Variants in TCF20 observed in about 807,000 individuals in gnomAD.
TCF20 encodes SPRE-binding protein.
Under a neutral mutation model 148.6 loss-of-function variants are expected in TCF20, and 3 were observed. The observed-to-expected ratio is 0.02, with a 90% CI of 0.01 to 0.05. The LOEUF (loss-of-function observed/expected upper bound fraction) is 0.05, where lower values mean the gene tolerates loss of function less well. Ranked by LOEUF, TCF20 falls within the 10% of genes least tolerant of loss-of-function variation. The pLI, the probability that TCF20 is intolerant of heterozygous loss-of-function variation, is 1.00. For missense variants in TCF20, 2,350 were observed against 2,429.3 expected (o/e 0.97, Z 0.69); for synonymous variants, 1,049 against 909.5 (o/e 1.15, Z -2.76).
chr22:42,267,874 A>G (rs1347380000), intron 1 of TCF20, among the ~76,000 whole-genome samples: 1 of 151,654 alleles, frequency 6.6e-6, no homozygotes, highest in Non-Finnish European at 1.5e-5. Context: ...GCCCAGGCGC[A>G]GTGGTTCACA....
chr22:42,173,380 G>A (rs963744389), intron 3 of TCF20, among the ~76,000 whole-genome samples: 1 of 151,996 alleles, frequency 6.6e-6, no homozygotes, highest in Non-Finnish European at 1.5e-5. Flanking sequence ...AACATCAGGT[G>A]GGGGGGAAGG....
intron 5 of TCF20, among the ~76,000 whole-genome samples, chr22:42,163,532 T>G (rs1471795315): frequency 6.6e-6 from 1 of 152,216 alleles, no homozygotes; most frequent in Non-Finnish European, 1.5e-5. Flanking sequence ...GCTTTACAGA[T>G]ATTATATCAC....
At chr22:42,197,322 C>CT (rs546243265) in intron 2 of TCF20, among the ~76,000 whole-genome samples, 30,911 of 134,178 alleles carry the variant, frequency 0.23, 4,174 homozygotes, top group Non-Finnish European at 0.28. Context: ...AGATGAGAAA[C>CT]TTTTTTTTTT....
At chr22:42,307,537 T>C (rs1052415039) in intron 1 of TCF20, among the ~76,000 whole-genome samples, 2 of 152,200 alleles carry the variant, frequency 1.3e-5, no homozygotes, top group African/African-American at 4.8e-5. Context: ...ACCAGCTTCA[T>C]CTCTCTCCCG....
intron 3 of TCF20, among the ~76,000 whole-genome samples, chr22:42,174,733 T>TC (rs1436610293): frequency 5.9e-5 from 9 of 151,554 alleles, no homozygotes; most frequent in Non-Finnish European, 1.2e-4. Context: ...TTTTTTTTTT[T>TC]CACTTAAAAG....
intron 5 of TCF20, among the ~76,000 whole-genome samples, chr22:42,168,296 T>C (rs1468482471): frequency 2.0e-5 from 3 of 152,146 alleles, no homozygotes. Flanking sequence ...AGAGATGCCC[T>C]GCCCAAGAAA....
chr22:42,230,130 C>T (rs1480508183), intron 1 of TCF20, among the ~76,000 whole-genome samples: 1 of 152,218 alleles, frequency 6.6e-6, no homozygotes, highest in Non-Finnish European at 1.5e-5. Context: ...TACCACACAG[C>T]TTTCCCTTCC....
intron 1 of TCF20, among the ~76,000 whole-genome samples, chr22:42,229,679 G>A (rs965299258): frequency 6.6e-5 from 10 of 152,126 alleles, no homozygotes; most frequent in South Asian, 2.1e-4. Context: ...CATGCGCTCC[G>A]ACCTCTTGAT....
intron 1 of TCF20, among the ~76,000 whole-genome samples, chr22:42,260,433 T>G (rs1192863322): frequency 2.0e-5 from 3 of 152,126 alleles, no homozygotes; most frequent in African/African-American, 7.2e-5. Context: ...AAAAATGGTT[T>G]GGGAGGAAGG....
Position 42,290,112 on chromosome 22 carries a change from T to G in TCF20, c.-37+53367A>C, listed in dbSNP as rs555853081. 6.6e-6 allele frequency among the ~76,000 whole-genome samples: 1 copy of G among 151,832 alleles called. No individual in the cohort carries two copies. Among genetic ancestry groups the G allele is most frequent in the South Asian group, 2.1e-4 (1 of 4,798 alleles). ...CCGGCTGCTGCTTGGGGAGCGGGGG[T>G]CAGCCAGGGGGACAAGGGCCAGCAG... On this transcript the variant is annotated intron_variant, in intron 1 of 1. Coordinates refer to the TCF20 transcript ENST00000515426. The surrounding 1 kb of genome is among the most constrained non-coding windows in gnomAD (Gnocchi z 4.2).
At chr22:42,232,972 GT>G (rs1923569113) in intron 1 of TCF20, among the ~76,000 whole-genome samples, 1 of 152,186 alleles carries the variant, frequency 6.6e-6, no homozygotes, top group Non-Finnish European at 1.5e-5. Flanking sequence ...CCAGGCTGGA[GT>G]GCACTGGTGC....
At position 42,221,739 on chromosome 22, in the gene TCF20, G is replaced by GTTTTTTTTTTTTTTTTTTTT. The variant is rs59283483; in HGVS notation, c.-36-6399_-36-6398insAAAAAAAAAAAAAAAAAAAA. On this transcript the variant is annotated intron_variant, in intron 1 of 5. Transcript: ENST00000677622. ...GGGCTTATTAACCATATGGCAAAGG[G>GTTTTTTTTTTTTTTTTTTTT]TTTTTTTTTTTTTTTTTGAGACGGA... is the stretch of plus-strand genomic sequence containing the variant. Among the ~76,000 whole-genome samples, 32 of 92,808 alleles carry GTTTTTTTTTTTTTTTTTTTT rather than the reference G, an allele frequency of 3.4e-4. 2 individuals are homozygous for GTTTTTTTTTTTTTTTTTTTT. The highest frequency in any genetic ancestry group is 3.1e-4 in the Non-Finnish European group (16 of 52,048). 60.9% of individuals were successfully genotyped at this position (92,808 alleles called of 152,430 possible).
At chr22:42,244,219 A>G (rs1260316681) in intron 1 of TCF20, among the ~76,000 whole-genome samples, 1 of 152,218 alleles carries the variant, frequency 6.6e-6, no homozygotes, top group Non-Finnish European at 1.5e-5. Flanking sequence ...CCACTGTGAA[A>G]AAGTCTGGTG....
upstream of TCF20, among the ~76,000 whole-genome samples, chr22:42,275,622 A>G (rs1926761763): frequency 6.6e-6 from 1 of 152,144 alleles, no homozygotes; most frequent in African/African-American, 2.4e-5. Flanking sequence ...TACCTGAGTG[A>G]TCCCATTCAC....
Position 42,215,008 on chromosome 22 carries a change from T to C in TCF20, c.298A>G (p.Thr100Ala), listed in dbSNP as rs150764323. Residue 100 changes from threonine (T) to alanine (A), a missense_variant, in exon 2 of 6, where the codon ACT becomes GCT. Thr to Ala is a moderately conservative substitution (Grantham distance 58, BLOSUM62 0). Around this residue, in one of 7 missense-constraint regions of TCF20, gnomAD observed 1,641 missense variants for 1,662.6 expected, o/e 0.99. Transcript: ENST00000677622. Reference sequence around the variant, plus strand: ...TGAGGAGGCTGTGGGGTTCCTGTAGTCACGGGGTCTTTGTTGCCTGCCATG... The same window carrying C: ...TGAGGAGGCTGTGGGGTTCCTGTAGCCACGGGGTCTTTGTTGCCTGCCATG... ...YYMAGNKDPVTTGTPQPPQRR... is the reference protein window; with the variant it reads ...YYMAGNKDPVATGTPQPPQRR... 11 of 1,614,092 alleles carry C rather than the reference T, an allele frequency of 6.8e-6. No homozygotes were observed. The African/African-American group carries it at 1.3e-4, about 20-fold the overall frequency.
At chr22:42,168,172 T>C (rs1438408283) in intron 5 of TCF20, among the ~76,000 whole-genome samples, 1 of 152,228 alleles carries the variant, frequency 6.6e-6, no homozygotes, top group Non-Finnish European at 1.5e-5. Flanking sequence ...AAGAGTTCTG[T>C]TGTTTTCAAA....
chr22:42,306,836 C>T (rs933068075), intron 1 of TCF20, among the ~76,000 whole-genome samples: 5 of 151,944 alleles, frequency 3.3e-5, no homozygotes, highest in African/African-American at 4.8e-5. Flanking sequence ...GTCAGGAGTT[C>T]GAGACCAGCC....
chr22:42,198,206 AAC>A (rs1322341445), intron 2 of TCF20, among the ~76,000 whole-genome samples: 3 of 152,116 alleles, frequency 2.0e-5, no homozygotes, highest in Non-Finnish European at 2.9e-5. Flanking sequence ...TAAAAAAAGC[AAC>A]ACAGACTTGT....
rs375291263 is a variant in TCF20, at chr22:42,210,179, G to A, written c.5127C>T (p.Gly1709=). The A allele has an allele frequency of 1.9e-6, 3 of 1,614,050 alleles. No individual in the cohort carries two copies. Among genetic ancestry groups the A allele is most frequent in the Admixed American group, 1.7e-5 (1 of 60,004 alleles). The change falls in exon 2 of 6, where the codon GGC becomes GGT. Residue 1709 remains glycine (G), a synonymous_variant. Transcript: ENST00000677622. This position sits in a 1 kb window ranked among gnomAD's most constrained non-coding sequence, Gnocchi z 4.7. ...VMGHLVCCLC[G]KWASYRNMGD... is the part of the protein sequence containing the mutation. ...CCATGTTCCGGTAACTGGCCCACTT[G>A]CCACACAGACAGCAAACCAGGTGCC...
Sources: gnomAD v4.1 joint callset for allele counts (sites outside exome capture counted in the v4.1 genomes callset) on GRCh38, gnomAD v4.1.1 for gene constraint, gnomAD v4.1.1 regional missense constraint, Gnocchi (gnomAD v3.1) non-coding constraint, MANE v1.5 for transcripts, NCBI Gene and HGNC (gene_info 2026-07-23, HGNC 2026-07-21) for gene names.